The following RPP30 variants were observed in gnomAD, a reference collection of about 807,000 sequenced individuals.
RPP30 encodes ribonuclease P protein subunit p30.
Under a neutral mutation model 38.6 loss-of-function variants are expected in RPP30, and 36 were observed. The ratio of observed to expected loss-of-function variants is 0.93; its 90% CI spans 0.71 to 1.23. The LOEUF is 1.23. Among genes scored for constraint, RPP30 ranks in the 50% most tolerant of loss-of-function variants. RPP30 has a pLI of 0.00. For synonymous variants in RPP30, 126 were observed against 112.7 expected, an observed-to-expected ratio of 1.12 and a Z score of -0.75; for missense variants, 321 against 321.7, an observed-to-expected ratio of 1.00 and a Z score of 0.02.
In RPP30 at chr10:90,901,406, C is replaced by A. The variant is rs1157115280; in HGVS notation, c.*727C>A. 1.0e-6 allele frequency: 1 copy of A among 984,640 alleles called. No individual in the cohort carries two copies. The highest frequency in any genetic ancestry group is 1.1e-4 in the East Asian group (1 of 8,828). The allele number at this position is 984,640 out of a possible 1,614,324, so 61.0% of individuals were successfully genotyped here. On this transcript the variant is annotated 3_prime_UTR_variant, in exon 11 of 11. Coordinates refer to ENST00000371703, the MANE Select transcript of RPP30 (RefSeq NM_006413.5). Reference sequence around the variant, plus strand: ...CTTTAGTTCCTCTTGTTTTAAGCTTCTTTCATGTATTCAAATCAGCATTTT... The same window carrying A: ...CTTTAGTTCCTCTTGTTTTAAGCTTATTTCATGTATTCAAATCAGCATTTT...
rs997790168 is a variant in RPP30, at chr10:90,888,350, C to T, written c.432+2449C>T. On this transcript the variant is annotated intron_variant, in intron 6 of 10. Transcript: ENST00000371703. ...ACAACAGATAATTCCTCATGTCTCA[C>T]GACAGTGGTAAGATTCCCAGTGGCT... Among the ~76,000 whole-genome samples the T allele has an allele frequency of 4.6e-5, 7 of 152,304 alleles. No homozygotes were observed. In the East Asian group the frequency reaches 5.8e-4, roughly 13 times the overall value.
downstream of RPP30, chr10:90,903,106 A>T (rs1397342038): frequency 1.3e-6 from 1 of 745,866 alleles, no homozygotes; most frequent in Non-Finnish European, 2.4e-6. Context: ...ATTAGATATG[A>T]GAAGGATAAC....
chr10:90,900,682 A>C lies in RPP30; in HGVS notation c.*3A>C. ...AGAAAGCCAAGTGTGAGGGCTGAAA[A>C]GAATGCCCCAGTCTCTGTCAGCACT... On this transcript the variant is annotated 3_prime_UTR_variant, in exon 11 of 11. Transcript: ENST00000371703. 1 of 1,612,706 alleles carries C rather than the reference A, an allele frequency of 6.2e-7. No individual in the cohort carries two copies. The highest frequency in any genetic ancestry group is 2.2e-5 in the East Asian group (1 of 44,864).
At position 90,878,999 on chromosome 10, in the gene RPP30, C is replaced by T. The variant is rs1846888779; in HGVS notation, c.271-64C>T. 15 of 1,335,938 alleles carry T rather than the reference C, an allele frequency of 1.1e-5. 1 individual carries two copies. The South Asian group carries it at 1.8e-4, about 16-fold the overall frequency. 82.8% of individuals were successfully genotyped at this position (1,335,938 alleles called of 1,614,324 possible). A position where few individuals can be genotyped will look rare whatever the true frequency, so the allele number is the denominator to read the frequency against. ...TTGAAATATAAGTGTGAGTCAATCA[C>T]TAGACAGAATTTCATGTGTATGGAT... On this transcript the variant is annotated intron_variant, in intron 4 of 10. Coordinates refer to ENST00000371703, the MANE Select transcript of RPP30 (RefSeq NM_006413.5).
At chr10:90,884,074 A>T (rs186646259) in intron 5 of RPP30, among the ~76,000 whole-genome samples, 2 of 152,290 alleles carry the variant, frequency 1.3e-5, no homozygotes, top group East Asian at 3.9e-4. Context: ...GAGTTGGCAT[A>T]TTCCATCATA....
chr10:90,876,300 C>T (rs1319206164), intron 4 of RPP30, among the ~76,000 whole-genome samples: 1 of 152,162 alleles, frequency 6.6e-6, no homozygotes, highest in African/African-American at 2.4e-5. Context: ...TGTAGTGATA[C>T]CACAATTAAA....
intron 10 of RPP30, among the ~76,000 whole-genome samples, chr10:90,897,856 T>A (rs952269609): frequency 6.6e-6 from 1 of 152,176 alleles, no homozygotes; most frequent in Non-Finnish European, 1.5e-5. Context: ...TATTTTGATA[T>A]AGGCATGCAA....
At chr10:90,875,991 G>T (rs1322131230) in intron 3 of RPP30, 33 bp from the exon 4 acceptor site, 1 of 1,185,576 alleles carries the variant, frequency 8.4e-7, no homozygotes, top group Non-Finnish European at 1.3e-6. Context: ...ATTGTCTTTT[G>T]TGCTTTTTTG....
intron 5 of RPP30, chr10:90,880,078 G>GAGT (rs1383637449): frequency 7.0e-6 from 1 of 142,244 alleles, no homozygotes; most frequent in Non-Finnish European, 1.6e-5. Context: ...AAAGGGGAAA[G>GAGT]AGTAGAACAA....
chr10:90,903,320 C>T, downstream of RPP30: 1 of 1,306,874 alleles, frequency 7.7e-7, no homozygotes, highest in Non-Finnish European at 1.1e-6. Flanking sequence ...GCTTAAAATG[C>T]TTAACAGGAT....
At chr10:90,876,700 G>A (rs988676073) in intron 4 of RPP30, among the ~76,000 whole-genome samples, 6 of 152,148 alleles carry the variant, frequency 3.9e-5, no homozygotes, top group African/African-American at 1.4e-4. Flanking sequence ...CTAGTGAGCC[G>A]GTTACATGGC....
At chr10:90,894,737 A>C in intron 6 of RPP30, 38 bp from the exon 7 acceptor site, 6 of 1,433,376 alleles carry the variant, frequency 4.2e-6, no homozygotes, top group Non-Finnish European at 5.9e-6. Flanking sequence ...AGGCCAGTGC[A>C]TGCTTATCTC....
At chr10:90,874,595 C>G (rs76121625) in intron 1 of RPP30, among the ~76,000 whole-genome samples, 2,438 of 152,288 alleles carry the variant, frequency 0.016, 67 homozygotes, top group African/African-American at 0.056. Flanking sequence ...TCAAACACCT[C>G]ATGTGTATTA....
chr10:90,894,880 T>C lies in RPP30; in HGVS notation c.538T>C (p.Cys180Arg). 1 of 1,603,692 alleles carries C rather than the reference T, an allele frequency of 6.2e-7. No individual in the cohort carries two copies. Among genetic ancestry groups the C allele is most frequent in the Non-Finnish European group, 8.5e-7 (1 of 1,170,640 alleles). Residue 180 changes from cysteine (C) to arginine (R), a missense_variant, in exon 7 of 11, where the codon TGC (cysteine) becomes CGC (arginine). By Grantham distance (180) the Cys-to-Arg change is radical. Transcript: ENST00000371703. The part of the protein sequence containing the change: ...ISSALNLMQI[C>R]KGKNVIISSA... ...CAGTGCCCTCAATTTGATGCAAATC[T>C]GCAAAGGAAAGGTATGGTTCTATAA...
At chr10:90,895,107 A>T (rs954968477) in intron 7 of RPP30, 4 of 592,582 alleles carry the variant, frequency 6.8e-6, no homozygotes, top group South Asian at 3.4e-5. Context: ...TGGAAGCCAT[A>T]TCTTTTGATA....
At chr10:90,895,144 A>G (rs1847125420) in intron 7 of RPP30, 1 of 556,628 alleles carries the variant, frequency 1.8e-6, no homozygotes, top group Non-Finnish European at 3.2e-6. Flanking sequence ...ATACTGTGAA[A>G]GAAAAGTCTA....
At chr10:90,875,305 A>G (rs1846836984) in intron 2 of RPP30, among the ~76,000 whole-genome samples, 1 of 152,230 alleles carries the variant, frequency 6.6e-6, no homozygotes, top group South Asian at 2.1e-4. Context: ...TTAGGCCAAC[A>G]ACTGTATCCT....
At chr10:90,896,444 T>G in intron 10 of RPP30, 52 bp downstream of exon 10, 2 of 1,423,680 alleles carry the variant, frequency 1.4e-6, no homozygotes, top group Non-Finnish European at 2.0e-6. Flanking sequence ...AAGCAAGTCA[T>G]TTTTACAGCC....
chr10:90,885,547 T>TA (rs1281070380), intron 5 of RPP30, among the ~76,000 whole-genome samples: 1 of 152,224 alleles, frequency 6.6e-6, no homozygotes. Flanking sequence ...TAGAAGACCA[T>TA]ATGAGTTAGA....
Sources: allele counts gnomAD v4.1 joint callset (sites outside exome capture counted in the v4.1 genomes callset), GRCh38; gene constraint gnomAD v4.1.1; transcripts MANE v1.5; gene names NCBI Gene and HGNC (gene_info 2026-07-23, HGNC 2026-07-21).